The following BCAS3 variants were observed in gnomAD, a reference collection of about 807,000 sequenced individuals.
BCAS3 encodes the protein BCAS3 microtubule associated cell migration factor.
A neutral mutation model predicts 116.1 loss-of-function variants in BCAS3; 53 were observed. That is an observed-to-expected ratio of 0.46 (90% CI 0.37 to 0.57). The LOEUF is 0.57. Ranked by LOEUF, BCAS3 falls within the 20% of genes least tolerant of loss-of-function variation. The pLI, the probability that BCAS3 is intolerant of heterozygous loss-of-function variation, is 0.00. For synonymous variants in BCAS3, 391 were observed against 408.2 expected (o/e 0.96, Z 0.51); for missense variants, 917 against 1,165.4 (o/e 0.79, Z 3.10).
intron 22 of BCAS3, among the ~76,000 whole-genome samples, chr17:61,247,868 C>G (rs996605840): frequency 6.6e-6 from 1 of 152,136 alleles, no homozygotes; most frequent in African/African-American, 2.4e-5. Context: ...AACTGCAGTC[C>G]TCTTGGGTTT....
At chr17:60,867,540 A>T (rs1000923715) in intron 7 of BCAS3, among the ~76,000 whole-genome samples, 1 of 152,216 alleles carries the variant, frequency 6.6e-6, no homozygotes, top group African/African-American at 2.4e-5. Context: ...AAATTTTACT[A>T]ATTGTTTCTC....
At chr17:61,045,113 A>G (rs1440849838) in intron 19 of BCAS3, among the ~76,000 whole-genome samples, 1 of 152,042 alleles carries the variant, frequency 6.6e-6, no homozygotes, top group Non-Finnish European at 1.5e-5. Context: ...CATTATTATT[A>G]TAAGCTTTTG....
chr17:60,938,783 G>C (rs2060078729), intron 13 of BCAS3, among the ~76,000 whole-genome samples: 2 of 151,896 alleles, frequency 1.3e-5, no homozygotes, highest in African/African-American at 4.8e-5. Flanking sequence ...AATTTAAAAT[G>C]AGGAAAAGAT....
At chr17:61,096,272 C>T (rs1242654496) in intron 22 of BCAS3, among the ~76,000 whole-genome samples, 1 of 152,146 alleles carries the variant, frequency 6.6e-6, no homozygotes, top group Non-Finnish European at 1.5e-5. Flanking sequence ...TTGATGATAA[C>T]TATAGCACGT....
Position 60,990,403 on chromosome 17 carries a change from A to G in BCAS3, c.1486+168A>G, listed in dbSNP as rs914201093. 2.0e-5 allele frequency among the ~76,000 whole-genome samples: 3 copies of G among 152,190 alleles called. No homozygotes were observed. The highest frequency in any genetic ancestry group is 2.9e-5 in the Non-Finnish European group (2 of 68,032). Reference sequence around the variant, plus strand: ...AATAATTTAATAAATTGGAGCCAGTATAGTAATGGTGATCTTTACCATGCT... The same window carrying G: ...AATAATTTAATAAATTGGAGCCAGTGTAGTAATGGTGATCTTTACCATGCT... On this transcript the variant is annotated intron_variant, in intron 15 of 23. Coordinates refer to ENST00000407086, the MANE Select transcript of BCAS3 (RefSeq NM_017679.5). The surrounding 1 kb of genome is among the most constrained non-coding windows in gnomAD (Gnocchi z 5.1).
chr17:61,119,508 T>C (rs938894349), intron 22 of BCAS3, among the ~76,000 whole-genome samples: 3 of 152,110 alleles, frequency 2.0e-5, no homozygotes, highest in Non-Finnish European at 2.9e-5. Flanking sequence ...CTGAGATAAC[T>C]AGAAATAGAA....
rs186823196 is a variant in BCAS3, at chr17:61,339,377, C to A, written c.2426-28950C>A. ...GATACAATGGGAAGGCCCATGAAGC[C>A]GCCTAAAGGAGCTCAAACTAGCATT... is the stretch of plus-strand genomic sequence containing the variant. On this transcript the variant is annotated intron_variant, in intron 22 of 23. Transcript: ENST00000407086. The surrounding 1 kb of genome is among the most constrained non-coding windows in gnomAD (Gnocchi z 4.4). 6.6e-6 allele frequency among the ~76,000 whole-genome samples: 1 copy of A among 152,184 alleles called. No homozygotes were observed. Among genetic ancestry groups the A allele is most frequent in the African/African-American group, 2.4e-5 (1 of 41,438 alleles).
chr17:61,054,755 A>G (rs1403189222), intron 19 of BCAS3, among the ~76,000 whole-genome samples: 1 of 152,152 alleles, frequency 6.6e-6, no homozygotes, highest in Non-Finnish European at 1.5e-5. Flanking sequence ...TAATGTCTTT[A>G]TTTTACAGAA....
intron 22 of BCAS3, among the ~76,000 whole-genome samples, chr17:61,146,778 T>C (rs2077241019): frequency 6.6e-6 from 1 of 152,184 alleles, no homozygotes; most frequent in Non-Finnish European, 1.5e-5. Flanking sequence ...TTGAGGTTGA[T>C]CTTTAAGTGT....
chr17:60,984,970 A>ACTGCACTCTAGC (rs1262574801), intron 14 of BCAS3, among the ~76,000 whole-genome samples: 3 of 143,234 alleles, frequency 2.1e-5, no homozygotes, highest in Non-Finnish European at 3.0e-5. Flanking sequence ...AGATTGCACC[A>ACTGCACTCTAGC]CTGCACTCTA....
chr17:60,801,269 A>G (rs553583396), intron 6 of BCAS3, among the ~76,000 whole-genome samples: 4 of 152,322 alleles, frequency 2.6e-5, no homozygotes, highest in South Asian at 2.1e-4. Context: ...TTGAACAAGT[A>G]TAAGTGCTAC....
At position 61,026,572 on chromosome 17, in the gene BCAS3, C is replaced by G. The variant is rs2066261773; in HGVS notation, c.1638-8094C>G. 6.6e-6 allele frequency among the ~76,000 whole-genome samples: 1 copy of G among 151,954 alleles called. No individual in the cohort carries two copies. The highest frequency in any genetic ancestry group is 1.5e-5 in the Non-Finnish European group (1 of 67,916). ...TTAACTTATACCTTGTTTTAAAGGG[C>G]TTCAGCAGTGAATTTTATTTTATTT... On this transcript the variant is annotated intron_variant, in intron 16 of 23. Coordinates refer to ENST00000407086, the MANE Select transcript of BCAS3 (RefSeq NM_017679.5). This position sits in a 1 kb window ranked among gnomAD's most constrained non-coding sequence, Gnocchi z 5.0.
Position 61,388,378 on chromosome 17 carries a change from C to T in BCAS3, c.2594-3599C>T, listed in dbSNP as rs926258186. ...GTGACTCCTCTCCCCCTCCCCCACT[C>T]TGAACGGGGTCTTGGCCCCCTCTGT... is the stretch of plus-strand genomic sequence containing the variant. On this transcript the variant is annotated intron_variant, in intron 23 of 23. Transcript: ENST00000407086. This position sits in a 1 kb window ranked among gnomAD's most constrained non-coding sequence, Gnocchi z 6.5. 6.3e-5 allele frequency: 30 copies of T among 472,920 alleles called. No individual in the cohort carries two copies. The highest frequency in any genetic ancestry group is 4.9e-4 in the African/African-American group (25 of 50,658). The allele number at this position is 472,920 out of a possible 1,614,324, so 29.3% of individuals were successfully genotyped here.
chr17:60,731,125 G>C (rs2144160004), intron 5 of BCAS3, among the ~76,000 whole-genome samples: 1 of 152,208 alleles, frequency 6.6e-6, no homozygotes, highest in Non-Finnish European at 1.5e-5. Context: ...TTCTTTTTAA[G>C]GAACTTCATT....
chr17:60,769,967 G>T (rs1003267901), intron 6 of BCAS3, among the ~76,000 whole-genome samples: 4 of 151,796 alleles, frequency 2.6e-5, no homozygotes, highest in Admixed American at 2.0e-4. Flanking sequence ...TAGAGACAGG[G>T]TTTCACCATG....
intron 14 of BCAS3, among the ~76,000 whole-genome samples, chr17:60,978,487 G>A (rs1202268852): frequency 1.3e-5 from 2 of 148,594 alleles, no homozygotes; most frequent in Admixed American, 1.3e-4. Context: ...CTTTTGCTGT[G>A]CAGAAGCTCT....
intron 19 of BCAS3, among the ~76,000 whole-genome samples, chr17:61,066,281 A>G (rs1424402533): frequency 1.3e-5 from 2 of 152,246 alleles, no homozygotes; most frequent in African/African-American, 4.8e-5. Flanking sequence ...AGGGTAGAAC[A>G]AGAAGAACAA....
intron 19 of BCAS3, among the ~76,000 whole-genome samples, chr17:61,069,282 G>A (rs970876200): frequency 6.6e-6 from 1 of 152,138 alleles, no homozygotes; most frequent in African/African-American, 2.4e-5. Context: ...GGAAGGTACA[G>A]TTTCAGGGCA....
chr17:60,947,722 C>T (rs1162005810), intron 14 of BCAS3, among the ~76,000 whole-genome samples: 2 of 152,152 alleles, frequency 1.3e-5, no homozygotes, highest in East Asian at 1.9e-4. Flanking sequence ...TGCATACATA[C>T]ACACACATAT....
Sources: allele counts gnomAD v4.1 joint callset (sites outside exome capture counted in the v4.1 genomes callset), GRCh38; gene constraint gnomAD v4.1.1; non-coding constraint Gnocchi (gnomAD v3.1); transcripts MANE v1.5; gene names NCBI Gene and HGNC (gene_info 2026-07-23, HGNC 2026-07-21).